The following GSTCD variants were observed in gnomAD, a reference collection of about 807,000 sequenced individuals.
GSTCD encodes glutathione S-transferase C-terminal domain-containing protein.
Under a neutral mutation model 68.3 loss-of-function variants are expected in GSTCD, and 44 were observed. That is an observed-to-expected ratio of 0.64 (90% CI 0.51 to 0.83). GSTCD has a LOEUF of 0.83. Ranked by LOEUF, GSTCD falls within the 40% of genes least tolerant of loss-of-function variation. The pLI is 0.00. For missense variants in GSTCD, 739 were observed against 735.9 expected (o/e 1.00, Z -0.05); for synonymous variants, 273 against 255.2 (o/e 1.07, Z -0.67).
intron 5 of GSTCD, among the ~76,000 whole-genome samples, chr4:105,732,731 A>G (rs1560800650): frequency 6.6e-6 from 1 of 152,036 alleles, no homozygotes; most frequent in African/African-American, 2.4e-5. Flanking sequence ...GCCTTCTGCT[A>G]GCTTTTGAAT....
intron 5 of GSTCD, among the ~76,000 whole-genome samples, chr4:105,774,650 C>A (rs189130865): frequency 7.9e-5 from 12 of 152,272 alleles, no homozygotes; most frequent in African/African-American, 2.2e-4. Context: ...GTTGAAAATT[C>A]TTTTCTTTAA....
In GSTCD at chr4:105,719,104, T is replaced by G; in HGVS notation, c.471T>G (p.Ala157=). The G allele has an allele frequency of 1.2e-6, 2 of 1,614,176 alleles. No homozygotes were observed. Among genetic ancestry groups the G allele is most frequent in the South Asian group, 2.2e-5 (2 of 91,086 alleles). Reference sequence around the variant, plus strand: ...TATGTGAACTCACCATCCCTTTGGCTATTGAGAATTTTCTCAGAGAATCTT... The same window carrying G: ...TATGTGAACTCACCATCCCTTTGGCGATTGAGAATTTTCTCAGAGAATCTT... The part of the protein sequence containing the change: ...TRLCELTIPL[A]IENFLRESSD... Residue 157 remains alanine (A), a synonymous_variant, in exon 3 of 12, where the codon GCT becomes GCG. Coordinates refer to ENST00000515279, the MANE Select transcript of GSTCD (RefSeq NM_001370181.1).
At chr4:105,824,450 G>A (rs941416850) in intron 7 of GSTCD, among the ~76,000 whole-genome samples, 6 of 152,148 alleles carry the variant, frequency 3.9e-5, no homozygotes, top group African/African-American at 1.4e-4. Context: ...GAGTAATCTT[G>A]TCTAGAATAA....
rs1724582699 is a variant in GSTCD at position 105,847,233 on chromosome 4, G to A, written c.*1656G>A. 1 of 151,056 alleles carries A rather than the reference G, an allele frequency of 6.6e-6. No individual in the cohort carries two copies. The allele number at this position is 151,056 out of a possible 1,614,324, so 9.4% of individuals were successfully genotyped here. A position where few individuals can be genotyped will look rare whatever the true frequency, so the allele number is the denominator to read the frequency against. On this transcript the variant is annotated 3_prime_UTR_variant, in exon 12 of 12. Transcript: ENST00000515279. ...TCAACCCCTGTGTAACATGTATCAT[G>A]AGGAGAAAGCACTATCATTGATCAT...
chr4:105,741,801 C>T (rs1394014902), intron 5 of GSTCD, among the ~76,000 whole-genome samples: 1 of 152,156 alleles, frequency 6.6e-6, no homozygotes, highest in Non-Finnish European at 1.5e-5. Context: ...AACAGCAGGG[C>T]TACAGGGTAT....
rs1313556457 is a variant in GSTCD, at chr4:105,787,130, A to AT, written c.1241-35816dup. ...TGAGAATGGGGAACATACTCAAAATATTTTTTTTACTGATAAGTGTTCAAT... is the reference window on the plus strand; with the variant it reads ...TGAGAATGGGGAACATACTCAAAATATTTTTTTTTACTGATAAGTGTTCAAT... On this transcript the variant is annotated intron_variant, in intron 5 of 11. Coordinates refer to ENST00000515279, the MANE Select transcript of GSTCD (RefSeq NM_001370181.1). 2.6e-5 allele frequency among the ~76,000 whole-genome samples: 4 copies of AT among 152,008 alleles called. 1 individual carries two copies. Among genetic ancestry groups the AT allele is most frequent in the Admixed American group, 1.3e-4 (2 of 15,284 alleles).
At chr4:105,806,528 C>T (rs1722504132) in intron 5 of GSTCD, among the ~76,000 whole-genome samples, 1 of 151,986 alleles carries the variant, frequency 6.6e-6, no homozygotes, top group African/African-American at 2.4e-5. Context: ...AAAAGAATAT[C>T]CAAGTCTCTA....
chr4:105,760,835 A>G (rs1734378439), intron 5 of GSTCD, among the ~76,000 whole-genome samples: 1 of 152,074 alleles, frequency 6.6e-6, no homozygotes, highest in African/African-American at 2.4e-5. Flanking sequence ...TTTAATGTTA[A>G]AATCTATTTT....
intron 5 of GSTCD, among the ~76,000 whole-genome samples, chr4:105,741,678 C>T (rs1385116555): frequency 6.6e-6 from 1 of 152,054 alleles, no homozygotes; most frequent in East Asian, 1.9e-4. Context: ...CATGGCTGGT[C>T]GTTTTTCTGG....
At chr4:105,811,133 C>T (rs1722730204) in intron 5 of GSTCD, among the ~76,000 whole-genome samples, 1 of 152,112 alleles carries the variant, frequency 6.6e-6, no homozygotes, top group South Asian at 2.1e-4. Context: ...TTCTGTACTG[C>T]AAGACTCCTT....
chr4:105,726,413 G>A (rs903407047), intron 3 of GSTCD, among the ~76,000 whole-genome samples, 166 bp from the exon 4 acceptor site: 2 of 152,252 alleles, frequency 1.3e-5, no homozygotes, highest in African/African-American at 4.8e-5. Flanking sequence ...CGGGGGTGAC[G>A]TAAGTGTTCT....
intron 4 of GSTCD, 78 bp downstream of exon 4, chr4:105,726,908 T>C (rs536472082): frequency 8.9e-7 from 1 of 1,122,368 alleles, no homozygotes; most frequent in Non-Finnish European, 1.3e-6. Flanking sequence ...CTTGTAATCA[T>C]TTGTTGACAT....
At chr4:105,834,730 T>C in intron 9 of GSTCD, 136 bp downstream of exon 9, 1 of 718,376 alleles carries the variant, frequency 1.4e-6, no homozygotes, top group Non-Finnish European at 2.2e-6. Flanking sequence ...TGTTTGTAAA[T>C]TGTATAAGGA....
At chr4:105,810,733 C>G (rs1320146267) in intron 5 of GSTCD, among the ~76,000 whole-genome samples, 1 of 152,030 alleles carries the variant, frequency 6.6e-6, no homozygotes, top group African/African-American at 2.4e-5. Context: ...TTTTAAACAT[C>G]ATTTTTGTAG....
chr4:105,819,096 G>A (rs1723149669), intron 5 of GSTCD, among the ~76,000 whole-genome samples: 1 of 151,748 alleles, frequency 6.6e-6, no homozygotes, highest in South Asian at 2.1e-4. Context: ...GCAAGGCCAT[G>A]TTTTCGGTAA....
intron 5 of GSTCD, among the ~76,000 whole-genome samples, chr4:105,788,071 C>T (rs1406327602): frequency 6.6e-6 from 1 of 151,872 alleles, no homozygotes; most frequent in Non-Finnish European, 1.5e-5. Flanking sequence ...TATTTAGTTT[C>T]ATGATTTCTT....
At position 105,842,137 on chromosome 4, in the gene GSTCD, A is replaced by G. The variant is rs930793744; in HGVS notation, c.1765+3A>G. The G allele has an allele frequency of 2.5e-6, 4 of 1,612,336 alleles. No homozygotes were observed. The highest frequency in any genetic ancestry group is 2.5e-6 in the Non-Finnish European group (3 of 1,178,374). ...CCCACCCCAACGAAGGCTCATAGGT[A>G]TGTGTTTTCACAGAGCAGCTGTTGA... On this transcript the variant is annotated splice_donor_region_variant and intron_variant, in intron 11 of 11. Coordinates refer to ENST00000515279, the MANE Select transcript of GSTCD (RefSeq NM_001370181.1).
chr4:105,836,957 A>G (rs1291561927), intron 9 of GSTCD, among the ~76,000 whole-genome samples: 1 of 152,254 alleles, frequency 6.6e-6, no homozygotes, highest in Admixed American at 6.5e-5. Context: ...TAAATTTAGT[A>G]TCAAATGTAT....
intron 3 of GSTCD, among the ~76,000 whole-genome samples, chr4:105,720,535 C>T (rs1317212629): frequency 6.6e-6 from 1 of 152,138 alleles, no homozygotes; most frequent in African/African-American, 2.4e-5. Context: ...TCTTAAAGAA[C>T]ATTTCTCTTT....
Sources: allele counts gnomAD v4.1 joint callset (sites outside exome capture counted in the v4.1 genomes callset), GRCh38; gene constraint gnomAD v4.1.1; transcripts MANE v1.5; gene names NCBI Gene and HGNC (gene_info 2026-07-23, HGNC 2026-07-21).